The following RAD54B variants were observed in gnomAD, a reference collection of about 807,000 sequenced individuals.
RAD54B encodes the protein RAD54 homolog B.
Under a neutral mutation model 95.8 loss-of-function variants are expected in RAD54B, and 78 were observed. That is an observed-to-expected ratio of 0.81 (90% CI 0.68 to 0.98). The LOEUF (loss-of-function observed/expected upper bound fraction) is 0.98, where lower values mean the gene tolerates loss of function less well. RAD54B is among the 50% of genes least tolerant of loss of function. The probability of loss-of-function intolerance (pLI) is 0.00; values close to 1 mark genes in which losing one functional copy is unlikely to be tolerated. For synonymous variants in RAD54B, 328 were observed against 354.9 expected (o/e 0.92, Z 0.85); for missense variants, 957 against 1,056.6 (o/e 0.91, Z 1.31).
At chr8:94,390,266 G>A (rs1006160916) in intron 10 of RAD54B, among the ~76,000 whole-genome samples, 3 of 151,800 alleles carry the variant, frequency 2.0e-5, no homozygotes, top group African/African-American at 2.4e-5. Flanking sequence ...TTGGGAGGTC[G>A]AGGCAGGCAG....
At chr8:94,410,501 A>T (rs1328278692) in intron 4 of RAD54B, among the ~76,000 whole-genome samples, 3 of 152,142 alleles carry the variant, frequency 2.0e-5, no homozygotes, top group Non-Finnish European at 2.9e-5. Context: ...TGTAGAACAG[A>T]TTTTATAGTT....
At chr8:94,446,639 C>G (rs1812527171) in intron 3 of RAD54B, among the ~76,000 whole-genome samples, 1 of 152,206 alleles carries the variant, frequency 6.6e-6, no homozygotes, top group Admixed American at 6.5e-5. Context: ...TCTCCTATTT[C>G]CCACTGGTCA....
At chr8:94,464,453 C>T (rs1812978110) in intron 2 of RAD54B, among the ~76,000 whole-genome samples, 1 of 151,904 alleles carries the variant, frequency 6.6e-6, no homozygotes. Flanking sequence ...CTGTGTTGAA[C>T]TTTTGACCTA....
At chr8:94,385,830 C>T in intron 11 of RAD54B, among the ~76,000 whole-genome samples, 1 of 152,222 alleles carries the variant, frequency 6.6e-6, no homozygotes, top group East Asian at 1.9e-4. Context: ...CATGTAAGAG[C>T]AGAGCAGAAG....
intron 3 of RAD54B, among the ~76,000 whole-genome samples, chr8:94,425,955 G>A (rs1023422405): frequency 6.6e-5 from 10 of 151,994 alleles, no homozygotes; most frequent in Non-Finnish European, 1.2e-4. Flanking sequence ...TGCAAAGGGC[G>A]TTTTGTTTCG....
rs564662605 is a variant in RAD54B at position 94,454,830 on chromosome 8, T to C, written c.304+3438A>G. ...TCATTTAAAAGAAAACACAAAAGTC[T>C]AACTTATCTGAGAATTTATAAACCC... On this transcript the variant is annotated intron_variant, in intron 3 of 14. Transcript: ENST00000336148. Among the ~76,000 whole-genome samples the C allele has an allele frequency of 2.0e-5, 3 of 152,316 alleles. No individual in the cohort carries two copies. The South Asian group carries it at 6.2e-4, about 32-fold the overall frequency.
In RAD54B at chr8:94,378,564, T is replaced by A; in HGVS notation, c.2314+4A>T. ...ACATTTTTGTCACACTGAAGGGTTG[T>A]TACCTGTAGTTAGGAGTCTGTAAAT... On this transcript the variant is annotated splice_donor_region_variant and intron_variant, in intron 13 of 14. Transcript: ENST00000336148. 6.3e-7 allele frequency: 1 copy of A among 1,598,856 alleles called. No homozygotes were observed. Among genetic ancestry groups the A allele is most frequent in the Non-Finnish European group, 8.5e-7 (1 of 1,171,714 alleles).
intron 4 of RAD54B, among the ~76,000 whole-genome samples, chr8:94,408,480 T>C (rs1360376409): frequency 2.6e-5 from 4 of 152,170 alleles, no homozygotes; most frequent in African/African-American, 9.7e-5. Flanking sequence ...GAGCTGTGTA[T>C]ACCAGAAACT....
chr8:94,454,389 A>G (rs1812735083), intron 3 of RAD54B, among the ~76,000 whole-genome samples: 1 of 152,214 alleles, frequency 6.6e-6, no homozygotes, highest in Non-Finnish European at 1.5e-5. Flanking sequence ...AATGCCACTT[A>G]ATTGTATACT....
At chr8:94,458,228 T>G in intron 3 of RAD54B, 40 bp downstream of exon 3, 1 of 1,494,594 alleles carries the variant, frequency 6.7e-7, no homozygotes, top group South Asian at 1.4e-5. Flanking sequence ...TGTAATACTA[T>G]TGGTCAAGCA....
At chr8:94,385,318 T>C (rs1160244348) in intron 11 of RAD54B, among the ~76,000 whole-genome samples, 2 of 147,658 alleles carry the variant, frequency 1.4e-5, no homozygotes, top group Non-Finnish European at 3.0e-5. Context: ...CTTTGTCCAA[T>C]GACAGCCACC....
chr8:94,445,663 G>T (rs1413666948), intron 3 of RAD54B, among the ~76,000 whole-genome samples: 1 of 151,966 alleles, frequency 6.6e-6, no homozygotes, highest in African/African-American at 2.4e-5. Context: ...CAGTATTTTA[G>T]ATAGTTTTAT....
chr8:94,378,049 G>A (rs1563633575), intron 14 of RAD54B, 131 bp downstream of exon 14: 6 of 563,078 alleles, frequency 1.1e-5, no homozygotes, highest in Admixed American at 7.4e-5. Context: ...GCTGCCCTAT[G>A]AGCTGAGAAA....
chr8:94,461,753 C>A (rs998385261), intron 2 of RAD54B, among the ~76,000 whole-genome samples: 9 of 152,154 alleles, frequency 5.9e-5, no homozygotes, highest in African/African-American at 2.2e-4. Flanking sequence ...TGTACACACA[C>A]ACGTGAGAGT....
intron 14 of RAD54B, among the ~76,000 whole-genome samples, chr8:94,373,502 C>T (rs1236128988): frequency 2.0e-5 from 3 of 152,188 alleles, no homozygotes; most frequent in African/African-American, 7.2e-5. Context: ...TCACTGCTGG[C>T]TGGCAGATGC....
intron 3 of RAD54B, chr8:94,432,386 A>G: frequency 6.4e-7 from 1 of 1,550,462 alleles, no homozygotes; most frequent in South Asian, 1.2e-5. Flanking sequence ...GCCGAAAAAA[A>G]TCATCTCTCC....
chr8:94,439,977 A>C (rs1812361789), intron 3 of RAD54B, among the ~76,000 whole-genome samples: 1 of 152,238 alleles, frequency 6.6e-6, no homozygotes, highest in African/African-American at 2.4e-5. Context: ...GATTCTCTAT[A>C]GAATGTGGAT....
chr8:94,402,932 A>G (rs1031575597), intron 6 of RAD54B, among the ~76,000 whole-genome samples: 1 of 152,218 alleles, frequency 6.6e-6, no homozygotes, highest in Non-Finnish European at 1.5e-5. Flanking sequence ...AAAATAATTA[A>G]AAGTTCAGGT....
At chr8:94,386,960 A>G (rs369866402) in intron 11 of RAD54B, 24 bp downstream of exon 11, 80 of 1,551,582 alleles carry the variant, frequency 5.2e-5, no homozygotes, top group African/African-American at 6.9e-5. Context: ...ATGAGCACTT[A>G]TAAGTTTGTT....
Sources: gnomAD v4.1 joint callset for allele counts (sites outside exome capture counted in the v4.1 genomes callset) on GRCh38, gnomAD v4.1.1 for gene constraint, MANE v1.5 for transcripts, NCBI Gene and HGNC (gene_info 2026-07-23, HGNC 2026-07-21) for gene names.